The following PXDN variants were observed in gnomAD, a reference collection of about 807,000 sequenced individuals.
The protein encoded by PXDN is peroxidasin.
A neutral mutation model predicts 140.3 loss-of-function variants in PXDN; 77 were observed. That is an observed-to-expected ratio of 0.55 (90% CI 0.46 to 0.66). The LOEUF (loss-of-function observed/expected upper bound fraction) is 0.66. PXDN is among the 30% of genes least tolerant of loss of function. The pLI, the probability that PXDN is intolerant of heterozygous loss-of-function variation, is 0.00. For synonymous variants in PXDN, 911 were observed against 857.4 expected, an observed-to-expected ratio of 1.06 and a Z score of -1.09; for missense variants, 1,838 against 2,039.5, an observed-to-expected ratio of 0.90 and a Z score of 1.90.
intron 1 of PXDN, among the ~76,000 whole-genome samples, chr2:1,722,618 A>G (rs1685079209): frequency 6.6e-6 from 1 of 152,252 alleles, no homozygotes; most frequent in South Asian, 2.1e-4. Flanking sequence ...AAAATATAAG[A>G]AAGTTGTATT....
chr2:1,738,116 A>C (rs1257456877), intron 1 of PXDN, among the ~76,000 whole-genome samples: 18 of 151,970 alleles, frequency 1.2e-4, no homozygotes, highest in Admixed American at 1.2e-3. Context: ...TTTAAGCATC[A>C]AACATGGTAA....
chr2:1,736,626 C>T (rs1402521741), intron 1 of PXDN, among the ~76,000 whole-genome samples: 1 of 151,898 alleles, frequency 6.6e-6, no homozygotes, highest in Non-Finnish European at 1.5e-5. Context: ...TGAAGACCAG[C>T]CTGGGCAAAT....
At chr2:1,741,738 A>T (rs925622700) in intron 1 of PXDN, among the ~76,000 whole-genome samples, 18 of 152,164 alleles carry the variant, frequency 1.2e-4, no homozygotes, top group Admixed American at 3.9e-4. Flanking sequence ...GTTTTTTTTT[A>T]AATTTTCATA....
chr2:1,723,818 T>G (rs76085067), intron 1 of PXDN, among the ~76,000 whole-genome samples: 1 of 152,030 alleles, frequency 6.6e-6, no homozygotes, highest in Non-Finnish European at 1.5e-5. Flanking sequence ...AGAAAACAAA[T>G]GTTCAAGACT....
chr2:1,664,762 GA>G, intron 11 of PXDN, 195 bp downstream of exon 11: 1 of 557,294 alleles, frequency 1.8e-6, no homozygotes, highest in Admixed American at 3.1e-5. Flanking sequence ...GTCCATGAGG[GA>G]CGGCCATGCA....
At position 1,633,458 on chromosome 2, in the gene PXDN, C is replaced by T. The variant is rs1401792131; in HGVS notation, c.*746G>A. 2.0e-5 allele frequency: 3 copies of T among 151,982 alleles called. No individual in the cohort carries two copies. 9.4% of individuals were successfully genotyped at this position (151,982 alleles called of 1,614,324 possible). On this transcript the variant is annotated 3_prime_UTR_variant, in exon 23 of 23. Transcript: ENST00000252804. The stretch of plus-strand genomic sequence containing the variant: ...TTTCTAAATGTGGCTTATGAATGTT[C>T]TAATCAGGTGTGGAAGGAGCTGACA...
intron 6 of PXDN, among the ~76,000 whole-genome samples, chr2:1,681,956 C>A (rs1430951228): frequency 6.6e-6 from 1 of 152,230 alleles, no homozygotes. Flanking sequence ...GCGTGGCCTC[C>A]TCCGCCTGGG....
At position 1,744,236 on chromosome 2, in the gene PXDN, G is replaced by A. The variant is rs1256559645; in HGVS notation, c.200+20C>T. 6.8e-7 allele frequency: 1 copy of A among 1,471,224 alleles called. No individual in the cohort carries two copies. The highest frequency in any genetic ancestry group is 9.0e-7 in the Non-Finnish European group (1 of 1,114,410). The allele number at this position is 1,471,224 out of a possible 1,614,324, so 91.1% of individuals were successfully genotyped here. ...CGAAGCCCCGGACCCCGCGCCCCCG[G>A]CGTCCCCCGCGGCACTCACAGGATG... On this transcript the variant is annotated intron_variant, in intron 1 of 22. Coordinates refer to ENST00000252804, the MANE Select transcript of PXDN (RefSeq NM_012293.3).
chr2:1,651,079 G>A lies in PXDN; in HGVS notation c.2105-1404C>T, dbSNP rs2125413301. On this transcript the variant is annotated intron_variant, in intron 16 of 22. Coordinates refer to ENST00000252804, the MANE Select transcript of PXDN (RefSeq NM_012293.3). This position sits in a 1 kb window ranked among gnomAD's most constrained non-coding sequence, Gnocchi z 4.4. ...AACCCCGGGCTCCCCTCAGCCCCTG[G>A]TTCTGTTCTGTCTGACTTTTCCCAG... Among the ~76,000 whole-genome samples the A allele has an allele frequency of 6.6e-6, 1 of 152,172 alleles. No individual in the cohort carries two copies. The highest frequency in any genetic ancestry group is 2.4e-5 in the African/African-American group (1 of 41,530).
At chr2:1,719,709 C>T (rs1338337967) in intron 1 of PXDN, among the ~76,000 whole-genome samples, 1 of 152,176 alleles carries the variant, frequency 6.6e-6, no homozygotes, top group African/African-American at 2.4e-5. Flanking sequence ...CTGGGTCAGG[C>T]GCCCACCCGG....
At chr2:1,647,352 T>G (rs1438550788) in intron 17 of PXDN, among the ~76,000 whole-genome samples, 2 of 152,226 alleles carry the variant, frequency 1.3e-5, no homozygotes, top group Non-Finnish European at 2.9e-5. Flanking sequence ...AACCCCACTG[T>G]GGCACCGAGT....
chr2:1,634,057 T>C lies in PXDN; in HGVS notation c.*147A>G. 1 of 1,292,198 alleles carries C rather than the reference T, an allele frequency of 7.7e-7. No individual in the cohort carries two copies. 80.0% of individuals were successfully genotyped at this position (1,292,198 alleles called of 1,614,324 possible). On this transcript the variant is annotated 3_prime_UTR_variant, in exon 23 of 23. Coordinates refer to ENST00000252804, the MANE Select transcript of PXDN (RefSeq NM_012293.3). ...TGCTCTGGTTGGAAGCCTCCTGCAC[T>C]GCCTTCTGTAACAGCACCAGCTGGA...
At position 1,663,472 on chromosome 2, in the gene PXDN, C is replaced by T. The variant is rs746432421; in HGVS notation, c.1567+133G>A. The T allele has an allele frequency of 3.2e-5, 39 of 1,235,492 alleles. No individual in the cohort carries two copies. In the South Asian group the frequency reaches 3.6e-4, roughly 11 times the overall value. The allele number at this position is 1,235,492 out of a possible 1,614,324, so 76.5% of individuals were successfully genotyped here. ...CACCCTGGGGGCACAAGCACAATGA[C>T]GGTGCACAAAATGCAGAGAGAACAG... On this transcript the variant is annotated intron_variant, in intron 12 of 22. Transcript: ENST00000252804.
intron 9 of PXDN, among the ~76,000 whole-genome samples, chr2:1,668,992 A>G (rs1371826742): frequency 6.6e-6 from 1 of 152,214 alleles, no homozygotes; most frequent in Non-Finnish European, 1.5e-5. Flanking sequence ...ATAAAGACAC[A>G]TGCACACGTT....
intron 9 of PXDN, among the ~76,000 whole-genome samples, chr2:1,671,477 C>A (rs927103776): frequency 6.6e-6 from 1 of 151,350 alleles, no homozygotes; most frequent in Non-Finnish European, 1.5e-5. Flanking sequence ...TGGAAAGGCT[C>A]GGAGAAAAAT....
intron 14 of PXDN, among the ~76,000 whole-genome samples, chr2:1,657,071 C>T (rs1249253277): frequency 6.6e-6 from 1 of 151,348 alleles, no homozygotes; most frequent in East Asian, 2.0e-4. Context: ...TGAAACTTGG[C>T]CCCTCCTGGC....
rs1447926915 is a variant in PXDN, at chr2:1,687,746, G to A, written c.345-43C>T. 2 of 1,395,338 alleles carry A rather than the reference G, an allele frequency of 1.4e-6. No individual in the cohort carries two copies. The highest frequency in any genetic ancestry group is 2.0e-6 in the Non-Finnish European group (2 of 999,414). 86.4% of individuals were successfully genotyped at this position (1,395,338 alleles called of 1,614,324 possible). A position where few individuals can be genotyped will look rare whatever the true frequency, so the allele number is the denominator to read the frequency against. On this transcript the variant is annotated intron_variant, in intron 3 of 22. Transcript: ENST00000252804. The surrounding 1 kb of genome is among the most constrained non-coding windows in gnomAD (Gnocchi z 4.0). ...GGGGAGCATTAGCACACAGACAGGAGGTCAAACTTCAGACGGAAAAGAAGA... is the reference window on the plus strand; with the variant it reads ...GGGGAGCATTAGCACACAGACAGGAAGTCAAACTTCAGACGGAAAAGAAGA...
intron 16 of PXDN, 54 bp downstream of exon 16, chr2:1,653,574 G>C: frequency 6.3e-7 from 1 of 1,594,832 alleles, no homozygotes. Context: ...ACTGAGGCGT[G>C]TTCAACCCCG....
chr2:1,681,157 G>A lies in PXDN; in HGVS notation c.561-795C>T, dbSNP rs1683893017. 2.0e-5 allele frequency among the ~76,000 whole-genome samples: 3 copies of A among 152,130 alleles called. 1 individual carries two copies. The highest frequency in any genetic ancestry group is 2.0e-4 in the Admixed American group (3 of 15,272). ...CTCCAGCCGGCCTGTGCACTGGGAG[G>A]GGTGCACACTGGGGTGGAGCCCACA... On this transcript the variant is annotated intron_variant, in intron 6 of 22. Transcript: ENST00000252804.
Sources: gnomAD v4.1 joint callset for allele counts (sites outside exome capture counted in the v4.1 genomes callset) on GRCh38, gnomAD v4.1.1 for gene constraint, Gnocchi (gnomAD v3.1) non-coding constraint, MANE v1.5 for transcripts, NCBI Gene and HGNC (gene_info 2026-07-23, HGNC 2026-07-21) for gene names.